The following CADPS variants were observed in gnomAD, a reference collection of about 807,000 sequenced individuals.
CADPS encodes the protein calcium-dependent secretion activator 1.
In CADPS, 57 loss-of-function variants were observed where a neutral mutation model predicts 167.3. The ratio of observed to expected loss-of-function variants is 0.34; its 90% CI spans 0.28 to 0.42. The LOEUF (loss-of-function observed/expected upper bound fraction) is 0.42. CADPS is among the 20% of genes least tolerant of loss of function. The pLI, the probability that CADPS is intolerant of heterozygous loss-of-function variation, is 1.00. For missense variants in CADPS, 1,414 were observed against 1,738.1 expected (o/e 0.81, Z 3.32); for synonymous variants, 676 against 635.3 (o/e 1.06, Z -0.96).
At chr3:62,643,330 A>G (rs2067833502) in intron 6 of CADPS, among the ~76,000 whole-genome samples, 1 of 152,216 alleles carries the variant, frequency 6.6e-6, no homozygotes, top group Non-Finnish European at 1.5e-5. Context: ...GGTAGCTACC[A>G]CTGACTGATT....
intron 24 of CADPS, chr3:62,470,842 G>A (rs2060516153): frequency 6.6e-6 from 1 of 152,102 alleles, no homozygotes; most frequent in African/African-American, 2.4e-5. Context: ...GTGTGTGTGT[G>A]TGCGCGCTAT....
intron 8 of CADPS, among the ~76,000 whole-genome samples, chr3:62,576,593 C>T (rs6793909): frequency 0.15 from 21,942 of 148,442 alleles, 2,149 homozygotes; most frequent in South Asian, 0.27. Flanking sequence ...AAGATTGAGA[C>T]CAGCCTGGCC....
intron 3 of CADPS, among the ~76,000 whole-genome samples, chr3:62,695,976 C>T (rs371752138): frequency 4.6e-5 from 7 of 152,044 alleles, no homozygotes; most frequent in Middle Eastern, 3.4e-3. Context: ...CACGTATACA[C>T]GTTAAATAAA....
Position 62,753,808 on chromosome 3 carries a change from G to T in CADPS, c.556-35C>A. The T allele has an allele frequency of 6.3e-7, 1 of 1,575,510 alleles. No homozygotes were observed. Among genetic ancestry groups the T allele is most frequent in the Non-Finnish European group, 8.6e-7 (1 of 1,157,492 alleles). ...AACAAGGCCAGGAAAGACAGTAGGA[G>T]AGTTTACCACAGAGGTACCAGTTCC... On this transcript the variant is annotated intron_variant, in intron 2 of 29. Transcript: ENST00000383710. The surrounding 1 kb of genome is among the most constrained non-coding windows in gnomAD (Gnocchi z 4.6).
chr3:62,858,688 T>G (rs2080165972), intron 1 of CADPS, among the ~76,000 whole-genome samples: 1 of 152,234 alleles, frequency 6.6e-6, no homozygotes, highest in Non-Finnish European at 1.5e-5. Flanking sequence ...TGGCTGTTCA[T>G]GCTGATTAAA....
At chr3:62,553,726 A>G (rs2077668809) in intron 10 of CADPS, among the ~76,000 whole-genome samples, 1 of 152,240 alleles carries the variant, frequency 6.6e-6, no homozygotes, top group Admixed American at 6.5e-5. Context: ...CAAGGAAAGC[A>G]AGAAGGAGAT....
At chr3:62,827,336 A>C (rs2074248405) in intron 1 of CADPS, among the ~76,000 whole-genome samples, 1 of 152,216 alleles carries the variant, frequency 6.6e-6, no homozygotes, top group Non-Finnish European at 1.5e-5. Flanking sequence ...CTAATACCTT[A>C]TGGGGGATGA....
At chr3:62,734,196 C>A (rs1024610944) in intron 3 of CADPS, among the ~76,000 whole-genome samples, 1 of 152,144 alleles carries the variant, frequency 6.6e-6, no homozygotes, top group African/African-American at 2.4e-5. Context: ...TTCATAAATA[C>A]CACCCAACTG....
At chr3:62,502,141 T>A (rs2065870105) in intron 17 of CADPS, among the ~76,000 whole-genome samples, 1 of 152,236 alleles carries the variant, frequency 6.6e-6, no homozygotes, top group South Asian at 2.1e-4. Context: ...TGCACTATTT[T>A]CCTGTTTGTT....
At chr3:62,652,776 C>G (rs1047407837) in intron 4 of CADPS, among the ~76,000 whole-genome samples, 1 of 152,254 alleles carries the variant, frequency 6.6e-6, no homozygotes, top group East Asian at 1.9e-4. Flanking sequence ...GAAAGGAACT[C>G]TGACTTTTAT....
chr3:62,609,945 C>T (rs1332007718), intron 6 of CADPS, among the ~76,000 whole-genome samples: 2 of 151,812 alleles, frequency 1.3e-5, no homozygotes, highest in Admixed American at 6.6e-5. Flanking sequence ...AAAAATTAGC[C>T]GGGAGTGGTG....
chr3:62,620,231 G>A (rs1379848896), intron 6 of CADPS, among the ~76,000 whole-genome samples: 1 of 152,072 alleles, frequency 6.6e-6, no homozygotes, highest in Non-Finnish European at 1.5e-5. Context: ...GTCATTTAGG[G>A]ATCTCTTCCA....
chr3:62,692,043 C>T (rs2079233533), intron 3 of CADPS, among the ~76,000 whole-genome samples: 1 of 152,000 alleles, frequency 6.6e-6, no homozygotes, highest in Admixed American at 6.6e-5. Flanking sequence ...AACATTGTCA[C>T]TTAGCATCCA....
At chr3:62,557,121 T>A (rs2078302454) in intron 10 of CADPS, among the ~76,000 whole-genome samples, 1 of 151,858 alleles carries the variant, frequency 6.6e-6, no homozygotes, top group South Asian at 2.1e-4. Context: ...GGAGTCCATA[T>A]TTGATGTGGA....
rs751920649 is a variant in CADPS, at chr3:62,518,187, C to A, written c.2355G>T (p.Arg785Ser). 7.6e-5 allele frequency: 122 copies of A among 1,612,698 alleles called. No individual in the cohort carries two copies. Among genetic ancestry groups the A allele is most frequent in the Non-Finnish European group, 9.3e-5 (110 of 1,179,458 alleles). ...TCTGATTTTCTAGCAGAACTCGGAGCCTCTCTTTGATTTCTTCAAAACGTT... is the reference window on the plus strand; with the variant it reads ...TCTGATTTTCTAGCAGAACTCGGAGACTCTCTTTGATTTCTTCAAAACGTT... The part of the protein sequence containing the change: ...EKERFEEIKE[R>S]LRVLLENQIT... Residue 785 changes from arginine (R) to serine (S), a missense_variant, in exon 14 of 30, where the codon AGG becomes AGT. By Grantham distance (110) the Arg-to-Ser change is moderately radical (BLOSUM62 -1). Coordinates refer to ENST00000383710, the MANE Select transcript of CADPS (RefSeq NM_003716.4).
intron 1 of CADPS, among the ~76,000 whole-genome samples, chr3:62,776,523 G>A (rs978810052): frequency 7.2e-5 from 11 of 152,214 alleles, no homozygotes; most frequent in East Asian, 1.9e-4. Flanking sequence ...GCATGGTGGC[G>A]GGCGCCTGTA....
intron 21 of CADPS, among the ~76,000 whole-genome samples, chr3:62,482,087 A>C (rs1222128100): frequency 6.6e-6 from 1 of 152,200 alleles, no homozygotes; most frequent in Non-Finnish European, 1.5e-5. Flanking sequence ...TTAACCACAC[A>C]GTGACTTAAA....
chr3:62,740,394 C>T (rs2079953953), intron 3 of CADPS, among the ~76,000 whole-genome samples: 1 of 152,110 alleles, frequency 6.6e-6, no homozygotes, highest in Non-Finnish European at 1.5e-5. Flanking sequence ...CACTTAATGC[C>T]CCATGAGCCA....
chr3:62,783,156 G>T (rs962586070), intron 1 of CADPS, among the ~76,000 whole-genome samples: 2 of 152,090 alleles, frequency 1.3e-5, no homozygotes, highest in Non-Finnish European at 2.9e-5. Context: ...GGCTTTACTC[G>T]CACAAAGGTG....
Sources: allele counts gnomAD v4.1 joint callset (sites outside exome capture counted in the v4.1 genomes callset), GRCh38; gene constraint gnomAD v4.1.1; non-coding constraint Gnocchi (gnomAD v3.1); transcripts MANE v1.5; gene names NCBI Gene and HGNC (gene_info 2026-07-23, HGNC 2026-07-21).